The following BICD1 variants were observed in gnomAD, a reference collection of about 807,000 sequenced individuals.
BICD1 encodes the protein BICD cargo adaptor 1, also known as protein bicaudal D homolog 1.
In BICD1, 35 loss-of-function variants were observed where a neutral mutation model predicts 92.5. The observed-to-expected ratio is 0.38, with a 90% CI of 0.29 to 0.50. The LOEUF (loss-of-function observed/expected upper bound fraction) is 0.50. Among genes scored for constraint, BICD1 ranks in the 20% least tolerant of loss-of-function variants. BICD1 has a pLI of 0.93. For synonymous variants in BICD1, 429 were observed against 465.1 expected, an observed-to-expected ratio of 0.92 and a Z score of 1.00; for missense variants, 950 against 1,189.8, an observed-to-expected ratio of 0.80 and a Z score of 2.97.
At chr12:32,366,573 G>A (rs1039157020) in intron 8 of BICD1, among the ~76,000 whole-genome samples, 1 of 152,206 alleles carries the variant, frequency 6.6e-6, no homozygotes, top group African/African-American at 2.4e-5. Flanking sequence ...CTGAACCCAG[G>A]AGGCGGAGGT....
chr12:32,130,839 T>A (rs1314853923), intron 1 of BICD1, among the ~76,000 whole-genome samples: 4 of 152,064 alleles, frequency 2.6e-5, no homozygotes, highest in African/African-American at 9.7e-5. Flanking sequence ...TCCTTGACAT[T>A]TATGTATTTA....
Position 32,338,843 on chromosome 12 carries a change from C to G in BICD1, c.2628C>G (p.Tyr876Ter). 1 of 1,605,572 alleles carries G rather than the reference C, an allele frequency of 6.2e-7. No individual in the cohort carries two copies. Among genetic ancestry groups the G allele is most frequent in the Non-Finnish European group, 8.5e-7 (1 of 1,176,436 alleles). ...GTCCCAGGACTTCAGGGGCTTCCTA[C>G]CTACAGAATTTATTAAGAGTTCCCC... is the stretch of plus-strand genomic sequence containing the variant. ...QSRPRTSGAS[Y>*]LQNLLRVPPD... The change falls in exon 8 of 10, where the codon TAC becomes TAG. Residue 876 changes from tyrosine (Y) to a stop codon, truncating the protein, a stop_gained. Transcript: ENST00000652176. LOFTEE classifies it high-confidence loss of function.
intron 1 of BICD1, among the ~76,000 whole-genome samples, chr12:32,181,049 A>G (rs1166019105): frequency 6.6e-6 from 1 of 151,942 alleles, no homozygotes; most frequent in Non-Finnish European, 1.5e-5. Flanking sequence ...TTTTTATAGT[A>G]GAACCAGAAA....
At chr12:32,374,016 C>T (rs1220104253) in intron 9 of BICD1, among the ~76,000 whole-genome samples, 2 of 151,732 alleles carry the variant, frequency 1.3e-5, no homozygotes, top group Non-Finnish European at 2.9e-5. Flanking sequence ...GAGTTCGAGA[C>T]CAGCCTGGGC....
At chr12:32,354,039 C>T (rs1939000166) in intron 8 of BICD1, 1 of 152,160 alleles carries the variant, frequency 6.6e-6, no homozygotes, top group Non-Finnish European at 1.5e-5. Context: ...CACACATGCT[C>T]ATGGTTTAAT....
In BICD1 at chr12:32,261,430, G is replaced by A. The variant is rs187595690; in HGVS notation, c.427-32564G>A. 2.3e-3 allele frequency among the ~76,000 whole-genome samples: 354 copies of A among 152,196 alleles called. 2 individuals carry two copies. Among genetic ancestry groups the A allele is most frequent in the African/African-American group, 8.2e-3 (340 of 41,520 alleles). The stretch of plus-strand genomic sequence containing the variant: ...TCTTTGTGGGCTCTCACTGGTGTTC[G>A]TATGCATATAGAATGGATGTCTGCA... On this transcript the variant is annotated intron_variant, in intron 2 of 9. Transcript: ENST00000652176.
chr12:32,306,147 A>G (rs768870685), intron 4 of BICD1, 25 bp downstream of exon 4: 24 of 1,534,024 alleles, frequency 1.6e-5, no homozygotes, highest in Non-Finnish European at 2.0e-5. Flanking sequence ...TAGGGCCGCT[A>G]GAGTGAATTT....
chr12:32,301,108 C>A (rs773422694), intron 3 of BICD1, among the ~76,000 whole-genome samples: 1 of 152,156 alleles, frequency 6.6e-6, no homozygotes, highest in African/African-American at 2.4e-5. Context: ...GATTTCCATA[C>A]TCCTTCATCC....
rs556904784 is a variant in BICD1 at position 32,197,907 on chromosome 12, A to G, written c.214-18340A>G. Among the ~76,000 whole-genome samples the G allele has an allele frequency of 3.5e-4, 14 of 39,620 alleles. No individual in the cohort carries two copies. The East Asian group carries it at 0.012, about 35-fold the overall frequency. The allele number at this position is 39,620 out of a possible 152,430, so 26.0% of individuals were successfully genotyped here. A position where few individuals can be genotyped will look rare whatever the true frequency, so the allele number is the denominator to read the frequency against. On this transcript the variant is annotated intron_variant, in intron 1 of 9. Transcript: ENST00000652176. ...AGCTTTGAGTATCAAGCATGCATAT[A>G]GTAAAAAAAAAAAAATTGCCAGGCA...
intron 2 of BICD1, among the ~76,000 whole-genome samples, chr12:32,290,013 C>T (rs1024683453): frequency 6.6e-6 from 1 of 152,126 alleles, no homozygotes; most frequent in African/African-American, 2.4e-5. Flanking sequence ...CTAAAGTCAA[C>T]TGGTGGAGTA....
At chr12:32,241,131 C>T (rs967890498) in intron 2 of BICD1, among the ~76,000 whole-genome samples, 7 of 152,108 alleles carry the variant, frequency 4.6e-5, no homozygotes, top group African/African-American at 9.7e-5. Context: ...TCGATGTGTA[C>T]GTGCAGAAAG....
chr12:32,231,191 A>T (rs1945875327), intron 2 of BICD1, among the ~76,000 whole-genome samples: 1 of 152,198 alleles, frequency 6.6e-6, no homozygotes, highest in South Asian at 2.1e-4. Context: ...CAAAAATTAA[A>T]GCGTATTTAG....
intron 2 of BICD1, among the ~76,000 whole-genome samples, chr12:32,272,640 A>G (rs1381556784): frequency 6.6e-6 from 1 of 152,180 alleles, no homozygotes; most frequent in African/African-American, 2.4e-5. Context: ...TCTGGCCAAC[A>G]TGGTGAAACC....
rs551946166 is a variant in BICD1 at position 32,330,482 on chromosome 12, G to A, written c.2100+1927G>A. Among the ~76,000 whole-genome samples the A allele has an allele frequency of 2.0e-4, 31 of 151,716 alleles. 1 individual carries two copies. Among genetic ancestry groups the A allele is most frequent in the Middle Eastern group, 6.8e-3 (2 of 292 alleles). On this transcript the variant is annotated intron_variant, in intron 5 of 9. Transcript: ENST00000652176. ...GAGATTTACCTAATGTAAATGACGA[G>A]TTAATGGGTGCAGCACACCAACATG...
At chr12:32,369,233 C>A (rs1322359996) in intron 9 of BICD1, among the ~76,000 whole-genome samples, 2 of 152,236 alleles carry the variant, frequency 1.3e-5, no homozygotes, top group African/African-American at 4.8e-5. Context: ...AGCGTCTCAG[C>A]GTTCCATCAG....
chr12:32,244,076 T>TTTTTTTTTTTTTTTTTGTAAAGGAC (rs1565613579), intron 2 of BICD1, among the ~76,000 whole-genome samples: 1 of 152,138 alleles, frequency 6.6e-6, no homozygotes, highest in African/African-American at 2.4e-5. Context: ...ACTCATTCTT[T>TTTTTTTTTTTTTTTTTGTAAAGGAC]ATCTGCTATT....
intron 1 of BICD1, among the ~76,000 whole-genome samples, chr12:32,138,629 CACTTT>C (rs1412475990): frequency 4.6e-5 from 7 of 152,278 alleles, no homozygotes; most frequent in African/African-American, 1.7e-4. Context: ...AGCTATTCAA[CACTTT>C]ACTTTAAATA....
chr12:32,140,227 C>T (rs1355625300), intron 1 of BICD1, among the ~76,000 whole-genome samples: 1 of 152,170 alleles, frequency 6.6e-6, no homozygotes, highest in Non-Finnish European at 1.5e-5. Flanking sequence ...CCACATTTCC[C>T]TGAAAATAAA....
rs576510560 is a variant in BICD1, at chr12:32,347,656, A to C, written c.2764+8677A>C. Among the ~76,000 whole-genome samples the C allele has an allele frequency of 3.5e-4, 53 of 151,712 alleles. No homozygotes were observed. In the East Asian group the frequency reaches 9.3e-3, roughly 27 times the overall value. ...GCCATCTCAATTAAAAAAAAAGAAA[A>C]AGTTTGTACCTATATACCCTTTTCA... is the stretch of plus-strand genomic sequence containing the variant. On this transcript the variant is annotated intron_variant, in intron 8 of 9. Transcript: ENST00000652176.
Sources: allele counts gnomAD v4.1 joint callset (sites outside exome capture counted in the v4.1 genomes callset), GRCh38; gene constraint gnomAD v4.1.1; transcripts MANE v1.5; gene names NCBI Gene and HGNC (gene_info 2026-07-23, HGNC 2026-07-21).